The following KALRN variants were observed in gnomAD, a reference collection of about 807,000 sequenced individuals.
KALRN encodes the protein kalirin.
A neutral mutation model predicts 353.7 loss-of-function variants in KALRN; 70 were observed. The observed-to-expected ratio is 0.20, with a 90% CI of 0.16 to 0.24. KALRN has a LOEUF of 0.24. Ranked by LOEUF, KALRN falls within the 10% of genes least tolerant of loss-of-function variation. KALRN has a pLI of 1.00. For synonymous variants in KALRN, 1,391 were observed against 1,434.8 expected, an observed-to-expected ratio of 0.97 and a Z score of 0.69; for missense variants, 2,791 against 3,756.7, an observed-to-expected ratio of 0.74 and a Z score of 6.72.
chr3:124,271,405 G>A (rs1381778782), intron 5 of KALRN, among the ~76,000 whole-genome samples: 1 of 152,186 alleles, frequency 6.6e-6, no homozygotes, highest in Non-Finnish European at 1.5e-5. Context: ...AGCTCCAGAA[G>A]TTCCCAGGTC....
chr3:124,310,731 C>A (rs1396372275), intron 6 of KALRN, among the ~76,000 whole-genome samples: 1 of 152,056 alleles, frequency 6.6e-6, no homozygotes, highest in African/African-American at 2.4e-5. Context: ...TGATGTTGGA[C>A]CCTTACCTTA....
chr3:124,319,179 A>T (rs564354709), intron 6 of KALRN, among the ~76,000 whole-genome samples: 29 of 152,068 alleles, frequency 1.9e-4, no homozygotes, highest in African/African-American at 6.5e-4. Flanking sequence ...AATAATTTTT[A>T]AAATTAAAAT....
chr3:124,452,335 A>G (rs1489364106), intron 21 of KALRN, among the ~76,000 whole-genome samples: 1 of 152,210 alleles, frequency 6.6e-6, no homozygotes, highest in African/African-American at 2.4e-5. Context: ...TCATTCAGTC[A>G]ACATTGATGG....
At chr3:124,268,286 C>A (rs1173798094) in intron 4 of KALRN, among the ~76,000 whole-genome samples, 1 of 152,174 alleles carries the variant, frequency 6.6e-6, no homozygotes, top group Admixed American at 6.5e-5. Context: ...ACTGTGAAAT[C>A]TTTGCAGCCC....
At chr3:124,667,706 A>G (rs2085824525) in intron 47 of KALRN, among the ~76,000 whole-genome samples, 1 of 152,220 alleles carries the variant, frequency 6.6e-6, no homozygotes, top group African/African-American at 2.4e-5. Flanking sequence ...AAATTTCTGT[A>G]ATACCCTGAA....
chr3:124,584,130 T>A (rs1279837906), intron 34 of KALRN, among the ~76,000 whole-genome samples: 1 of 152,128 alleles, frequency 6.6e-6, no homozygotes, highest in African/African-American at 2.4e-5. Flanking sequence ...AGCTAGCAGG[T>A]GGCAAAACTG....
At position 124,571,929 on chromosome 3, in the gene KALRN, A is replaced by C. The variant is rs144996658; in HGVS notation, c.5182+8840A>C. Among the ~76,000 whole-genome samples the C allele has an allele frequency of 1.8e-4, 28 of 151,920 alleles. No homozygotes were observed. In the East Asian group the frequency reaches 5.1e-3, roughly 27 times the overall value. On this transcript the variant is annotated intron_variant, in intron 34 of 59. Coordinates refer to ENST00000682506, the MANE Select transcript of KALRN (RefSeq NM_001388419.1). ...AGGTGTGAGCCACTGCACCCAGCCA[A>C]AGTATCCTATTTTTGATGCATATAA... is the stretch of plus-strand genomic sequence containing the variant.
intron 10 of KALRN, among the ~76,000 whole-genome samples, chr3:124,373,215 A>G (rs933099944): frequency 2.6e-5 from 4 of 152,182 alleles, no homozygotes; most frequent in Admixed American, 2.0e-4. Context: ...ATCTTTCTCA[A>G]TACAGCTTCC....
At chr3:124,473,798 A>G (rs1273842487) in intron 25 of KALRN, among the ~76,000 whole-genome samples, 1 of 152,238 alleles carries the variant, frequency 6.6e-6, no homozygotes, top group Admixed American at 6.5e-5. Context: ...AAGCGCATTC[A>G]TGATTTAATC....
chr3:124,677,054 G>A (rs951205838), intron 49 of KALRN, among the ~76,000 whole-genome samples: 1 of 152,208 alleles, frequency 6.6e-6, no homozygotes, highest in African/African-American at 2.4e-5. Flanking sequence ...AAATCCTGAT[G>A]TATGTGGAGT....
rs1488859776 is a variant in KALRN at position 124,143,763 on chromosome 3, G to T, written c.74-84227G>T. ...CCAAGTGAAATTTAACAATTTTGGT[G>T]TCCTAAAAGCTTCCAATAAAGACTA... On this transcript the variant is annotated intron_variant, in intron 1 of 59. Coordinates refer to ENST00000682506, the MANE Select transcript of KALRN (RefSeq NM_001388419.1). 3.3e-5 allele frequency among the ~76,000 whole-genome samples: 5 copies of T among 152,158 alleles called. No individual in the cohort carries two copies. The East Asian group carries it at 9.6e-4, about 29-fold the overall frequency.
At chr3:124,224,813 G>A (rs1478980501) in intron 1 of KALRN, among the ~76,000 whole-genome samples, 1 of 152,092 alleles carries the variant, frequency 6.6e-6, no homozygotes, top group Non-Finnish European at 1.5e-5. Flanking sequence ...GATCTTAAAG[G>A]CCAACAAATA....
At chr3:124,105,408 C>G (rs1397494623) in intron 1 of KALRN, among the ~76,000 whole-genome samples, 1 of 151,988 alleles carries the variant, frequency 6.6e-6, no homozygotes, top group African/African-American at 2.4e-5. Flanking sequence ...GAGTCATTTG[C>G]CAAGAAGTGA....
chr3:124,462,703 G>T, intron 25 of KALRN, 70 bp downstream of exon 25: 1 of 862,888 alleles, frequency 1.2e-6, no homozygotes, highest in Non-Finnish European at 1.9e-6. Flanking sequence ...TTCCCAAGAA[G>T]TGGATCAAAG....
intron 1 of KALRN, among the ~76,000 whole-genome samples, chr3:124,048,043 T>A (rs1466134514): frequency 6.6e-6 from 1 of 152,090 alleles, no homozygotes; most frequent in Non-Finnish European, 1.5e-5. Context: ...GAAAAACAAA[T>A]GAAGGGGGTA....
intron 1 of KALRN, among the ~76,000 whole-genome samples, chr3:124,170,425 G>C (rs894375945): frequency 6.6e-6 from 1 of 152,228 alleles, no homozygotes; most frequent in African/African-American, 2.4e-5. Flanking sequence ...GAGATGTGAA[G>C]TGTCTTATCC....
At chr3:124,340,554 A>T (rs1435897328) in intron 9 of KALRN, among the ~76,000 whole-genome samples, 1 of 152,130 alleles carries the variant, frequency 6.6e-6, no homozygotes, top group Non-Finnish European at 1.5e-5. Flanking sequence ...AGGTTCTGAC[A>T]CATGGAATGG....
At chr3:124,229,604 A>G (rs1459491168) in intron 2 of KALRN, among the ~76,000 whole-genome samples, 1 of 152,236 alleles carries the variant, frequency 6.6e-6, no homozygotes, top group African/African-American at 2.4e-5. Context: ...CAGCCAAAAT[A>G]GAGAGAAGAG....
intron 1 of KALRN, among the ~76,000 whole-genome samples, chr3:124,047,864 G>A (rs1407248088): frequency 1.3e-5 from 2 of 151,988 alleles, no homozygotes; most frequent in Admixed American, 6.6e-5. Context: ...CTGGCTAACT[G>A]TAGACCATTT....
Sources: allele counts gnomAD v4.1 joint callset (sites outside exome capture counted in the v4.1 genomes callset), GRCh38; gene constraint gnomAD v4.1.1; transcripts MANE v1.5; gene names NCBI Gene and HGNC (gene_info 2026-07-23, HGNC 2026-07-21).